CNTN4: variants seen among roughly 807,000 people sequenced by gnomAD.
CNTN4 encodes contactin 4.
Under a neutral mutation model 122.5 loss-of-function variants are expected in CNTN4, and 77 were observed. The ratio of observed to expected loss-of-function variants is 0.63; its 90% confidence interval spans 0.52 to 0.76. The LOEUF (loss-of-function observed/expected upper bound fraction) is 0.76, where lower values mean the gene tolerates loss of function less well. Ranked by LOEUF, CNTN4 falls within the 30% of genes least tolerant of loss-of-function variation. The probability of loss-of-function intolerance (pLI) is 0.00; values close to 1 mark genes in which losing one functional copy is unlikely to be tolerated. For synonymous variants in CNTN4, 512 were observed against 447.0 expected, an observed-to-expected ratio of 1.15 and a Z score of -1.83; for missense variants, 1,256 against 1,259.1, an observed-to-expected ratio of 1.00 and a Z score of 0.04.
intron 3 of CNTN4, among the ~76,000 whole-genome samples, chr3:2,507,443 C>G (rs930140001): frequency 1.3e-5 from 2 of 151,768 alleles, no homozygotes; most frequent in African/African-American, 4.8e-5. Flanking sequence ...TGGCTGGGTG[C>G]GGTGGCTCAT....
At chr3:2,975,491 G>A (rs893970226) in intron 13 of CNTN4, among the ~76,000 whole-genome samples, 2 of 152,172 alleles carry the variant, frequency 1.3e-5, no homozygotes, top group Admixed American at 6.6e-5. Flanking sequence ...CAGATTAAAT[G>A]AGATAATCAA....
chr3:2,358,679 G>T (rs774091052), intron 3 of CNTN4, among the ~76,000 whole-genome samples: 5 of 151,872 alleles, frequency 3.3e-5, no homozygotes, highest in Non-Finnish European at 5.9e-5. Flanking sequence ...GCAAATAATG[G>T]CAACACAAAT....
At chr3:2,213,522 C>T (rs2038708733) in intron 2 of CNTN4, among the ~76,000 whole-genome samples, 1 of 152,190 alleles carries the variant, frequency 6.6e-6, no homozygotes, top group South Asian at 2.1e-4. Context: ...CCTGTACCTT[C>T]AGCAGTGTTT....
chr3:2,795,213 G>A (rs2092133094), intron 6 of CNTN4, among the ~76,000 whole-genome samples: 1 of 152,146 alleles, frequency 6.6e-6, no homozygotes, highest in South Asian at 2.1e-4. Flanking sequence ...AAGTATCACA[G>A]TCATGAGCAA....
intron 7 of CNTN4, among the ~76,000 whole-genome samples, chr3:2,828,782 C>A (rs1291967106): frequency 1.3e-5 from 2 of 152,092 alleles, no homozygotes; most frequent in Admixed American, 1.3e-4. Flanking sequence ...ACTCTATCAC[C>A]TAGTCTGGAG....
At chr3:2,313,898 A>G (rs780443172) in intron 2 of CNTN4, among the ~76,000 whole-genome samples, 3 of 151,982 alleles carry the variant, frequency 2.0e-5, no homozygotes, top group Non-Finnish European at 2.9e-5. Context: ...CTAGTAAGAG[A>G]TGAAAAAGGA....
At chr3:2,587,202 AT>A (rs1402474023) in intron 4 of CNTN4, among the ~76,000 whole-genome samples, 1 of 152,242 alleles carries the variant, frequency 6.6e-6, no homozygotes, top group Non-Finnish European at 1.5e-5. Flanking sequence ...CTATAAAAAA[AT>A]ATGACACACC....
intron 2 of CNTN4, among the ~76,000 whole-genome samples, chr3:2,125,135 G>T (rs1433388098): frequency 6.6e-6 from 1 of 151,974 alleles, no homozygotes; most frequent in Non-Finnish European, 1.5e-5. Context: ...TCCTCTACAG[G>T]CTCTGGAAGC....
chr3:2,922,582 T>C (rs930016644), intron 12 of CNTN4, among the ~76,000 whole-genome samples: 1 of 151,624 alleles, frequency 6.6e-6, no homozygotes, highest in Non-Finnish European at 1.5e-5. Flanking sequence ...ATTAAGTAAA[T>C]TGAGTTAACA....
At chr3:2,383,025 A>G (rs2046087653) in intron 3 of CNTN4, among the ~76,000 whole-genome samples, 1 of 151,766 alleles carries the variant, frequency 6.6e-6, no homozygotes, top group Admixed American at 6.6e-5. Flanking sequence ...CAGTGAGCCG[A>G]GATTGTGCCA....
chr3:2,712,201 ACTTG>A (rs1249632201), intron 4 of CNTN4, among the ~76,000 whole-genome samples: 2 of 152,220 alleles, frequency 1.3e-5, no homozygotes, highest in Non-Finnish European at 2.9e-5. Context: ...AATTGCAAAA[ACTTG>A]GAAGGGAAAA....
At chr3:2,902,436 A>G (rs2094185162) in intron 11 of CNTN4, among the ~76,000 whole-genome samples, 1 of 152,144 alleles carries the variant, frequency 6.6e-6, no homozygotes, top group African/African-American at 2.4e-5. Flanking sequence ...TTCATCCAAG[A>G]TTGTAATCCT....
chr3:2,826,616 A>G (rs554577107), intron 7 of CNTN4, among the ~76,000 whole-genome samples: 3 of 152,288 alleles, frequency 2.0e-5, no homozygotes, highest in East Asian at 1.9e-4. Flanking sequence ...ATTTCTTCAT[A>G]TGACTTCTGT....
At chr3:2,643,206 C>A (rs528644605) in intron 4 of CNTN4, among the ~76,000 whole-genome samples, 11 of 152,252 alleles carry the variant, frequency 7.2e-5, no homozygotes, top group African/African-American at 2.6e-4. Context: ...TGGAGTCTCT[C>A]TCTGTCTCCC....
chr3:2,601,479 T>G (rs1424790221), intron 4 of CNTN4, among the ~76,000 whole-genome samples: 1 of 152,212 alleles, frequency 6.6e-6, no homozygotes, highest in African/African-American at 2.4e-5. Flanking sequence ...ATTCCTTGTT[T>G]TTGTCAGGTT....
chr3:3,031,627 T>C (rs1260293271), intron 16 of CNTN4, among the ~76,000 whole-genome samples: 4 of 152,090 alleles, frequency 2.6e-5, no homozygotes, highest in African/African-American at 9.7e-5. Context: ...ATTCCAAGCC[T>C]CACCAAACCG....
chr3:2,919,683 GAC>G (rs1331193521), intron 12 of CNTN4, among the ~76,000 whole-genome samples: 3 of 152,112 alleles, frequency 2.0e-5, no homozygotes, highest in African/African-American at 7.2e-5. Context: ...TTAAGACACT[GAC>G]ATGTAAATGA....
chr3:2,439,640 G>A (rs1362193368), intron 3 of CNTN4, among the ~76,000 whole-genome samples: 3 of 152,040 alleles, frequency 2.0e-5, no homozygotes, highest in Middle Eastern at 3.2e-3. Context: ...GTGTGTGCGC[G>A]CGTGCTTGTG....
chr3:2,400,404 A>AATATATATATATATATATATATATACAT (rs36082705), intron 3 of CNTN4, among the ~76,000 whole-genome samples: 3 of 91,438 alleles, frequency 3.3e-5, no homozygotes, highest in Non-Finnish European at 7.2e-5. Flanking sequence ...TATGTGTGTG[A>AATATATATATATATATATATATATACAT]ATATATATAT....
Sources: gnomAD v4.1 joint callset for allele counts (sites outside exome capture counted in the v4.1 genomes callset) on GRCh38, gnomAD v4.1.1 for gene constraint, MANE v1.5 for transcripts, NCBI Gene and HGNC (gene_info 2026-07-23, HGNC 2026-07-21) for gene names.